ANKS1B: variants seen among roughly 807,000 people sequenced by gnomAD.
ANKS1B encodes the protein ankyrin repeat and sterile alpha motif domain-containing protein 1B.
ANKS1B carries 36 observed loss-of-function variants against 148.3 expected under a neutral mutation model. That is an observed-to-expected ratio of 0.24 (90% CI 0.19 to 0.32). ANKS1B has a LOEUF of 0.32. Ranked by LOEUF, ANKS1B falls within the 10% of genes least tolerant of loss-of-function variation. The probability of loss-of-function intolerance (pLI) is 1.00; values close to 1 mark genes in which losing one functional copy is unlikely to be tolerated. For missense variants in ANKS1B, 1,157 were observed against 1,542.6 expected, an observed-to-expected ratio of 0.75 and a Z score of 4.19; for synonymous variants, 542 against 560.8, an observed-to-expected ratio of 0.97 and a Z score of 0.47.
At chr12:99,085,184 T>C in intron 15 of ANKS1B, 161 bp from the exon 16 acceptor site, 1 of 629,492 alleles carries the variant, frequency 1.6e-6, no homozygotes, top group South Asian at 2.0e-5. Context: ...GTCGGTCACC[T>C]TGTTACTGAT....
At chr12:99,228,652 G>A (rs185636058) in intron 14 of ANKS1B, among the ~76,000 whole-genome samples, 5 of 151,956 alleles carry the variant, frequency 3.3e-5, no homozygotes, top group African/African-American at 9.6e-5. Flanking sequence ...GCACATAGAC[G>A]AAGACTAGAA....
chr12:99,005,098 A>G (rs2099935357), intron 17 of ANKS1B, among the ~76,000 whole-genome samples: 1 of 152,212 alleles, frequency 6.6e-6, no homozygotes, highest in South Asian at 2.1e-4. Context: ...GTAACAAACG[A>G]GAAAATGAAA....
intron 19 of ANKS1B, among the ~76,000 whole-genome samples, chr12:98,822,734 T>G (rs954700297): frequency 2.0e-5 from 3 of 152,108 alleles, no homozygotes; most frequent in African/African-American, 7.2e-5. Context: ...ACTGGAGGTG[T>G]TTAGGGCTGA....
chr12:99,653,088 T>C (rs1050905718), intron 9 of ANKS1B, among the ~76,000 whole-genome samples: 9 of 152,126 alleles, frequency 5.9e-5, no homozygotes, highest in African/African-American at 2.2e-4. Context: ...AATAAACTTA[T>C]TGAACAATAC....
intron 12 of ANKS1B, among the ~76,000 whole-genome samples, chr12:99,270,914 A>G (rs1448919068): frequency 1.3e-5 from 2 of 152,228 alleles, no homozygotes; most frequent in Non-Finnish European, 2.9e-5. Flanking sequence ...CACATTAACG[A>G]TTTCACAGAT....
At position 98,829,223 on chromosome 12, in the gene ANKS1B, T is replaced by C. The variant is rs899175684; in HGVS notation, c.3017A>G (p.Asn1006Ser). The C allele has an allele frequency of 3.7e-6, 6 of 1,613,910 alleles. No individual in the cohort carries two copies. In the African/African-American group the frequency reaches 8.0e-5, roughly 22 times the overall value. ...TGATCGGGGAATATCATCAAAGTAG[T>C]TTTCATTTCTTCTCCTCCTTGCATC... The part of the protein sequence containing the change: ...QGDARRRRNE[N>S]YFDDIPRSKL... The change falls in exon 19 of 27, where the codon AAC (asparagine) becomes AGC (serine). Residue 1006 changes from asparagine (N) to serine (S), a missense_variant. Transcript: ENST00000683438. The surrounding 1 kb of genome is among the most constrained non-coding windows in gnomAD (Gnocchi z 5.2).
intron 1 of ANKS1B, among the ~76,000 whole-genome samples, chr12:99,902,991 C>G (rs2093653909): frequency 6.6e-6 from 1 of 152,132 alleles, no homozygotes; most frequent in Non-Finnish European, 1.5e-5. Flanking sequence ...GTCTCAAACT[C>G]TTGACCTCAA....
chr12:99,350,673 A>T (rs2091309660), intron 12 of ANKS1B, among the ~76,000 whole-genome samples: 1 of 152,108 alleles, frequency 6.6e-6, no homozygotes, highest in African/African-American at 2.4e-5. Flanking sequence ...GAATTCTAAA[A>T]TGATTTAAAG....
chr12:98,788,747 G>C (rs924322591), intron 22 of ANKS1B, among the ~76,000 whole-genome samples: 5 of 152,222 alleles, frequency 3.3e-5, no homozygotes, highest in Non-Finnish European at 5.9e-5. Flanking sequence ...TAAAAATGCG[G>C]TCGATCAGTT....
At chr12:99,540,594 A>G (rs1463366460) in intron 9 of ANKS1B, among the ~76,000 whole-genome samples, 3 of 152,178 alleles carry the variant, frequency 2.0e-5, no homozygotes, top group South Asian at 2.1e-4. Flanking sequence ...TTCTGAAGGG[A>G]TATTAAAAAT....
At chr12:99,829,768 T>G (rs2083697226) in intron 1 of ANKS1B, among the ~76,000 whole-genome samples, 1 of 152,116 alleles carries the variant, frequency 6.6e-6, no homozygotes, top group South Asian at 2.1e-4. Flanking sequence ...AGGCAGAGGT[T>G]GCAGTGAGGC....
intron 2 of ANKS1B, among the ~76,000 whole-genome samples, chr12:99,821,134 T>C (rs936878469): frequency 5.3e-5 from 8 of 152,018 alleles, no homozygotes; most frequent in Admixed American, 3.9e-4. Flanking sequence ...TTCAATGTTA[T>C]CATTGTAAGA....
intron 12 of ANKS1B, among the ~76,000 whole-genome samples, chr12:99,358,106 T>C (rs886129842): frequency 2.6e-5 from 4 of 152,060 alleles, no homozygotes; most frequent in African/African-American, 7.2e-5. Context: ...ATAGTTACCA[T>C]TTTTTTAATT....
intron 15 of ANKS1B, among the ~76,000 whole-genome samples, chr12:99,134,799 A>G (rs571037028): frequency 6.6e-6 from 1 of 152,178 alleles, no homozygotes; most frequent in African/African-American, 2.4e-5. Context: ...AGCAACTAGT[A>G]CAGTGGTGTT....
chr12:99,251,104 C>A (rs1332229248), intron 12 of ANKS1B, among the ~76,000 whole-genome samples: 1 of 152,130 alleles, frequency 6.6e-6, no homozygotes, highest in Non-Finnish European at 1.5e-5. Context: ...AATCACCTAC[C>A]AAAAGGCCCA....
chr12:99,640,412 C>T (rs757304124), intron 9 of ANKS1B, among the ~76,000 whole-genome samples: 1 of 152,162 alleles, frequency 6.6e-6, no homozygotes, highest in South Asian at 2.1e-4. Context: ...AAAGGTGAGA[C>T]TATTAAAAGA....
chr12:98,924,635 C>T lies in ANKS1B; in HGVS notation c.2779-92499G>A, dbSNP rs750865796. On this transcript the variant is annotated intron_variant, in intron 17 of 26. Transcript: ENST00000683438. ...AGGGACGTAAGTGTGGAACTGATACCGTTAGTTTTATTTCGGGGTGATGCA... is the reference window on the plus strand; with the variant it reads ...AGGGACGTAAGTGTGGAACTGATACTGTTAGTTTTATTTCGGGGTGATGCA... Among the ~76,000 whole-genome samples, 39 of 152,158 alleles carry T rather than the reference C, an allele frequency of 2.6e-4. 1 individual carries two copies. Among genetic ancestry groups the T allele is most frequent in the African/African-American group, 7.9e-4 (33 of 41,522 alleles).
At chr12:99,030,589 T>C (rs2099951497) in intron 17 of ANKS1B, among the ~76,000 whole-genome samples, 1 of 152,166 alleles carries the variant, frequency 6.6e-6, no homozygotes, top group Admixed American at 6.5e-5. Context: ...ATACTCCTGA[T>C]CTCTTTCTCC....
chr12:99,361,114 A>T (rs1365102271), intron 12 of ANKS1B, among the ~76,000 whole-genome samples: 2 of 152,092 alleles, frequency 1.3e-5, no homozygotes, highest in African/African-American at 4.8e-5. Context: ...AAAATAACTA[A>T]AAGAGTGTAA....
Sources: gnomAD v4.1 joint callset for allele counts (sites outside exome capture counted in the v4.1 genomes callset) on GRCh38, gnomAD v4.1.1 for gene constraint, Gnocchi (gnomAD v3.1) non-coding constraint, MANE v1.5 for transcripts, NCBI Gene and HGNC (gene_info 2026-07-23, HGNC 2026-07-21) for gene names.